Variants in SEMA3D observed in about 807,000 individuals in gnomAD.
SEMA3D encodes semaphorin 3D, also known as semaphorin-3D.
Under a neutral mutation model 100.1 loss-of-function variants are expected in SEMA3D, and 84 were observed. That is an observed-to-expected ratio of 0.84 (90% confidence interval 0.70 to 1.01). The LOEUF (loss-of-function observed/expected upper bound fraction) is 1.01. Among genes scored for constraint, SEMA3D ranks in the 50% least tolerant of loss-of-function variants. The pLI, the probability that SEMA3D is intolerant of heterozygous loss-of-function variation, is 0.00. For synonymous variants in SEMA3D, 312 were observed against 320.7 expected (o/e 0.97, Z 0.29); for missense variants, 875 against 934.1 (o/e 0.94, Z 0.82).
intron 3 of SEMA3D, among the ~76,000 whole-genome samples, chr7:85,114,988 C>T (rs1348837633): frequency 6.6e-6 from 1 of 152,046 alleles, no homozygotes; most frequent in Non-Finnish European, 1.5e-5. Flanking sequence ...ATAAGTTTAG[C>T]AAAGGGCATA....
At chr7:85,027,240 A>G (rs1790415894) in intron 12 of SEMA3D, among the ~76,000 whole-genome samples, 1 of 152,026 alleles carries the variant, frequency 6.6e-6, no homozygotes, top group Admixed American at 6.6e-5. Flanking sequence ...GAACTTTATA[A>G]TTTTTCAATG....
intron 1 of SEMA3D, among the ~76,000 whole-genome samples, chr7:85,171,904 C>T (rs918872040): frequency 2.0e-5 from 3 of 151,320 alleles, no homozygotes; most frequent in African/African-American, 7.3e-5. Context: ...CAAAATTATC[C>T]TTAAGGACTC....
rs865954451 is a variant in SEMA3D, at chr7:85,055,737, G to A, written c.841C>T (p.Arg281Ter). ...GSTSDKTILSRVGRVCKNDVG... is the reference protein window; with the variant it reads ...GSTSDKTILS The stretch of plus-strand genomic sequence containing the variant: ...CTTGCCTTACAAACTCTTCCAACTC[G>A]AGAAAGGATGGTTTTATCGGAGGTA... Residue 281 changes from arginine to a stop codon, truncating the protein, a stop_gained, in exon 9 of 19, where the codon CGA (arginine) becomes TGA (stop). Transcript: ENST00000284136. LOFTEE classifies it high-confidence loss of function. 6.7e-7 allele frequency: 1 copy of A among 1,502,204 alleles called. No homozygotes were observed. The highest frequency in any genetic ancestry group is 2.4e-5 in the East Asian group (1 of 41,902). The allele number at this position is 1,502,204 out of a possible 1,614,324, so 93.1% of individuals were successfully genotyped here.
the SEMA3D span, among the ~76,000 whole-genome samples, chr7:85,248,488 A>C: frequency 6.6e-6 from 1 of 152,170 alleles, no homozygotes; most frequent in African/African-American, 2.4e-5. Flanking sequence ...TACTCATAGG[A>C]ACTGATAACG....
the SEMA3D span, among the ~76,000 whole-genome samples, chr7:85,247,700 A>G: frequency 6.6e-6 from 1 of 152,126 alleles, no homozygotes; most frequent in Non-Finnish European, 1.5e-5. Context: ...AAGAATAGAC[A>G]GGTAGATTTA....
the SEMA3D span, among the ~76,000 whole-genome samples, chr7:85,214,455 G>A: frequency 3.4e-4 from 52 of 152,072 alleles, no homozygotes; most frequent in Non-Finnish European, 5.6e-4. Context: ...TAGCTGGAAG[G>A]AGGGAATGAG....
chr7:85,132,625 A>T (rs1789757838), intron 2 of SEMA3D, among the ~76,000 whole-genome samples: 1 of 151,920 alleles, frequency 6.6e-6, no homozygotes, highest in African/African-American at 2.4e-5. Flanking sequence ...TAGCATGAAC[A>T]TTACTGTCCT....
intron 2 of SEMA3D, among the ~76,000 whole-genome samples, chr7:85,150,799 AT>A (rs1192615961): frequency 6.6e-6 from 1 of 151,992 alleles, no homozygotes; most frequent in African/African-American, 2.4e-5. Context: ...CAATGCCCTT[AT>A]TGTGGTGCCA....
intron 1 of SEMA3D, among the ~76,000 whole-genome samples, chr7:85,161,612 G>T (rs1368345231): frequency 6.6e-6 from 1 of 152,140 alleles, no homozygotes; most frequent in South Asian, 2.1e-4. Flanking sequence ...TACCATTCAC[G>T]TAGGAGTGAG....
intron 5 of SEMA3D, among the ~76,000 whole-genome samples, chr7:85,075,374 G>C (rs1010478866): frequency 6.6e-6 from 1 of 151,350 alleles, no homozygotes; most frequent in Admixed American, 6.6e-5. Context: ...AGACAAATAT[G>C]GTCCAGGGCA....
the SEMA3D span, among the ~76,000 whole-genome samples, chr7:85,237,617 AT>A: frequency 6.6e-6 from 1 of 152,136 alleles, no homozygotes; most frequent in African/African-American, 2.4e-5. Context: ...TTGATAGCTA[AT>A]TTCTTTTCAT....
At chr7:85,189,313 G>T (rs1049836527), upstream of SEMA3D, among the ~76,000 whole-genome samples, 2 of 152,046 alleles carry the variant, frequency 1.3e-5, no homozygotes, top group African/African-American at 4.8e-5. Context: ...TTCAGTCACT[G>T]GATTTATTTC....
intron 3 of SEMA3D, among the ~76,000 whole-genome samples, chr7:85,117,735 T>C (rs952573685): frequency 6.6e-6 from 1 of 152,028 alleles, no homozygotes; most frequent in Non-Finnish European, 1.5e-5. Context: ...ATCTTGCCAC[T>C]GTACTTGAGC....
chr7:85,010,330 G>A (rs1226839570), intron 17 of SEMA3D, among the ~76,000 whole-genome samples: 1 of 151,800 alleles, frequency 6.6e-6, no homozygotes, highest in Non-Finnish European at 1.5e-5. Flanking sequence ...AGAAGCTATT[G>A]AAAAATGTTG....
chr7:85,141,116 GT>G (rs2116461531), intron 2 of SEMA3D: 2 of 982,384 alleles, frequency 2.0e-6, no homozygotes, highest in South Asian at 9.4e-5. Flanking sequence ...TTTCAAAACT[GT>G]TTTTATAGGT....
chr7:85,006,939 T>G lies in SEMA3D; in HGVS notation c.1771A>C (p.Ile591Leu). The G allele has an allele frequency of 1.2e-6, 2 of 1,609,022 alleles. No individual in the cohort carries two copies. Among genetic ancestry groups the G allele is most frequent in the Non-Finnish European group, 1.7e-6 (2 of 1,177,010 alleles). The change falls in exon 18 of 19, where the codon ATT (isoleucine) becomes CTT (leucine). Residue 591 changes from isoleucine to leucine, a missense_variant and splice_region_variant. Physicochemically the swap from Ile to Leu is conservative, Grantham distance 5 (BLOSUM62 2). Transcript: ENST00000284136. ...ITQCWDIEDS[I>L]SHETADEKVI... ...TTTTCATCAGCAGTTTCATGACTAATGCCTGGAAAGCAAACATGGAATAAG... is the reference window on the plus strand; with the variant it reads ...TTTTCATCAGCAGTTTCATGACTAAGGCCTGGAAAGCAAACATGGAATAAG...
intron 2 of SEMA3D, among the ~76,000 whole-genome samples, chr7:85,139,537 C>A (rs192437010): frequency 7.2e-5 from 11 of 152,038 alleles, no homozygotes; most frequent in African/African-American, 9.6e-5. Flanking sequence ...AAAGGGACTA[C>A]AGATGAATGC....
chr7:85,020,442 A>G, intron 13 of SEMA3D, 121 bp from the exon 14 acceptor site: 1 of 676,102 alleles, frequency 1.5e-6, no homozygotes, highest in Non-Finnish European at 2.6e-6. Context: ...CAAAAAACAG[A>G]TTAAATGAAA....
Position 85,022,605 on chromosome 7 carries a change from G to T in SEMA3D, c.1200C>A (p.Ser400Arg), listed in dbSNP as rs752934025. The T allele has an allele frequency of 1.2e-6, 2 of 1,608,072 alleles. No homozygotes were observed. The highest frequency in any genetic ancestry group is 1.7e-5 in the Admixed American group (1 of 59,846). The change falls in exon 13 of 19, where the codon AGC becomes AGA. Residue 400 changes from serine (S) to arginine (R), a missense_variant. Physicochemically the swap from Ser to Arg is moderately radical, Grantham distance 110. Coordinates refer to ENST00000284136, the MANE Select transcript of SEMA3D (RefSeq NM_001384900.1). ...ACTTAATCAGTGGGTCATAGGTTTT[G>T]CTTGGACACTGAAAATAAATGTGGA... ...IPYPRPGTCP[S>R]KTYDPLIKST...
Sources: gnomAD v4.1 joint callset for allele counts (sites outside exome capture counted in the v4.1 genomes callset) on GRCh38, gnomAD v4.1.1 for gene constraint, MANE v1.5 for transcripts, NCBI Gene and HGNC (gene_info 2026-07-23, HGNC 2026-07-21) for gene names.